Variants in DACH1 observed in about 807,000 individuals in gnomAD.
The protein encoded by DACH1 is dachshund homolog 1.
A neutral mutation model predicts 54.2 loss-of-function variants in DACH1; 12 were observed. The ratio of observed to expected loss-of-function variants is 0.22; its 90% CI spans 0.14 to 0.36. The LOEUF (loss-of-function observed/expected upper bound fraction) is 0.36. Among genes scored for constraint, DACH1 ranks in the 10% least tolerant of loss-of-function variants. The probability of loss-of-function intolerance (pLI) is 1.00; values close to 1 mark genes in which losing one functional copy is unlikely to be tolerated. For synonymous variants in DACH1, 386 were observed against 366.2 expected, an observed-to-expected ratio of 1.05 and a Z score of -0.62; for missense variants, 805 against 929.8, an observed-to-expected ratio of 0.87 and a Z score of 1.75.
intron 3 of DACH1, among the ~76,000 whole-genome samples, chr13:71,623,831 C>T (rs1052055926): frequency 6.6e-6 from 1 of 151,742 alleles, no homozygotes; most frequent in Non-Finnish European, 1.5e-5. Context: ...TCTCTGCTCC[C>T]CTACCTGAGT....
intron 1 of DACH1, among the ~76,000 whole-genome samples, chr13:71,740,512 T>G (rs565974227): frequency 1.3e-5 from 2 of 152,312 alleles, no homozygotes; most frequent in South Asian, 4.1e-4. Flanking sequence ...CTATGTTCTT[T>G]AAAACTCCTC....
At chr13:71,820,928 A>G (rs1888160124) in intron 1 of DACH1, among the ~76,000 whole-genome samples, 1 of 152,156 alleles carries the variant, frequency 6.6e-6, no homozygotes, top group African/African-American at 2.4e-5. Context: ...TCATATCTCA[A>G]ACAAAAACAA....
chr13:71,773,440 G>T (rs137964632), intron 1 of DACH1, among the ~76,000 whole-genome samples: 1 of 151,872 alleles, frequency 6.6e-6, no homozygotes, highest in Non-Finnish European at 1.5e-5. Context: ...ATATATTCTA[G>T]CATTAATACT....
At chr13:71,663,137 G>GGTGTGTGTAATTGGGTATATGATTGTGT (rs1879617637) in intron 2 of DACH1, among the ~76,000 whole-genome samples, 1 of 151,204 alleles carries the variant, frequency 6.6e-6, no homozygotes, top group African/African-American at 2.4e-5. Flanking sequence ...GGAAATAAAG[G>GGTGTGTGTAATTGGGTATATGATTGTGT]GTGTGTGTAA....
intron 2 of DACH1, among the ~76,000 whole-genome samples, chr13:71,680,595 C>T (rs1880841068): frequency 6.6e-6 from 1 of 152,046 alleles, no homozygotes; most frequent in Admixed American, 6.6e-5. Flanking sequence ...TAGAGGGAGA[C>T]TCTTTGTCTT....
chr13:71,544,199 C>G (rs1387804611), intron 6 of DACH1, among the ~76,000 whole-genome samples: 2 of 152,046 alleles, frequency 1.3e-5, no homozygotes, highest in African/African-American at 4.8e-5. Flanking sequence ...GTAGGTGTGG[C>G]AGAGAGAGAA....
intron 6 of DACH1, among the ~76,000 whole-genome samples, chr13:71,548,043 G>T (rs904724614): frequency 2.0e-5 from 3 of 152,152 alleles, no homozygotes; most frequent in Admixed American, 6.6e-5. Context: ...CACACGTGAG[G>T]TTATAAAAAA....
chr13:71,767,316 A>G (rs1360958749), intron 1 of DACH1, among the ~76,000 whole-genome samples: 1 of 152,028 alleles, frequency 6.6e-6, no homozygotes, highest in Non-Finnish European at 1.5e-5. Flanking sequence ...TGTTTCTGCT[A>G]TTATGTGAAA....
At chr13:71,657,104 T>C (rs1256519491) in intron 2 of DACH1, among the ~76,000 whole-genome samples, 1 of 151,214 alleles carries the variant, frequency 6.6e-6, no homozygotes, top group Non-Finnish European at 1.5e-5. Context: ...TATAAATTAT[T>C]GATCAAGTCA....
At chr13:71,739,584 G>C (rs1365946165) in intron 1 of DACH1, among the ~76,000 whole-genome samples, 2 of 150,444 alleles carry the variant, frequency 1.3e-5, no homozygotes, top group Non-Finnish European at 3.0e-5. Flanking sequence ...AAGACTGTCA[G>C]TTTGCACTAT....
At chr13:71,865,858 G>C in intron 1 of DACH1, 64 bp downstream of exon 1, 3 of 1,442,268 alleles carry the variant, frequency 2.1e-6, no homozygotes, top group Non-Finnish European at 1.8e-6. Context: ...GGAAAGGAGC[G>C]AGGGCAGGCG....
intron 6 of DACH1, among the ~76,000 whole-genome samples, chr13:71,516,876 T>A (rs542430664): frequency 1.3e-5 from 2 of 151,302 alleles, no homozygotes; most frequent in East Asian, 2.0e-4. Flanking sequence ...AAAGTTAAAA[T>A]ATTCATCAGT....
At chr13:71,559,036 T>C (rs920894376) in intron 5 of DACH1, among the ~76,000 whole-genome samples, 5 of 152,082 alleles carry the variant, frequency 3.3e-5, no homozygotes, top group African/African-American at 9.7e-5. Flanking sequence ...GCAATATATA[T>C]AGGTTTTATC....
At chr13:71,718,118 A>T (rs1883065566) in intron 1 of DACH1, among the ~76,000 whole-genome samples, 1 of 152,168 alleles carries the variant, frequency 6.6e-6, no homozygotes, top group African/African-American at 2.4e-5. Flanking sequence ...GAAGAAGGAA[A>T]GAGAGCATAT....
intron 1 of DACH1, among the ~76,000 whole-genome samples, chr13:71,821,429 A>ATTTAAATCTAAATTTAAATTCTAAGAT (rs1888180841): frequency 4.6e-5 from 6 of 131,122 alleles, no homozygotes; most frequent in Non-Finnish European, 8.2e-5. Flanking sequence ...AAGATTTTAA[A>ATTTAAATCTAAATTTAAATTCTAAGAT]TTTAAATTTA....
At chr13:71,767,113 ACAT>A (rs970591308) in intron 1 of DACH1, among the ~76,000 whole-genome samples, 9 of 152,014 alleles carry the variant, frequency 5.9e-5, no homozygotes, top group Non-Finnish European at 1.3e-4. Context: ...GCAAATTAAA[ACAT>A]CATATTACTT....
chr13:71,535,747 C>T (rs191903877), intron 6 of DACH1, among the ~76,000 whole-genome samples: 17 of 152,032 alleles, frequency 1.1e-4, no homozygotes, highest in Admixed American at 1.1e-3. Flanking sequence ...ATACCTAGAA[C>T]AAGCTCTATA....
chr13:71,842,053 C>A (rs7318684), intron 1 of DACH1, among the ~76,000 whole-genome samples: 61,023 of 151,938 alleles, frequency 0.4, 14,890 homozygotes, highest in East Asian at 0.84. Flanking sequence ...GTATAGTGTA[C>A]TAAAGAGTGT....
chr13:71,801,310 T>C (rs956634985), intron 1 of DACH1, among the ~76,000 whole-genome samples: 3 of 152,120 alleles, frequency 2.0e-5, no homozygotes, highest in Non-Finnish European at 4.4e-5. Context: ...GTTTAGTACC[T>C]ACTAAGCCAT....
Sources: gnomAD v4.1 joint callset for allele counts (sites outside exome capture counted in the v4.1 genomes callset) on GRCh38, gnomAD v4.1.1 for gene constraint, MANE v1.5 for transcripts, NCBI Gene and HGNC (gene_info 2026-07-23, HGNC 2026-07-21) for gene names.